Variants in G3BP2 observed in about 807,000 individuals in gnomAD.
G3BP2 encodes ras GTPase-activating protein-binding protein 2.
Under a neutral mutation model 56.7 loss-of-function variants are expected in G3BP2, and 11 were observed. The observed-to-expected ratio is 0.19, with a 90% confidence interval of 0.12 to 0.32. The LOEUF (loss-of-function observed/expected upper bound fraction) is 0.32. G3BP2 is among the 10% of genes least tolerant of loss of function. G3BP2 has a pLI of 1.00. For synonymous variants in G3BP2, 165 were observed against 191.6 expected (o/e 0.86, Z 1.15); for missense variants, 340 against 610.9 (o/e 0.56, Z 4.67).
chr4:75,716,338 T>C (rs987332646), intron 3 of G3BP2, among the ~76,000 whole-genome samples: 1 of 151,908 alleles, frequency 6.6e-6, no homozygotes, highest in East Asian at 1.9e-4. Flanking sequence ...CCCAGCCAGC[T>C]AATTTTTTGT....
chr4:75,670,323 T>C (rs1206688150), intron 1 of G3BP2: 1 of 152,250 alleles, frequency 6.6e-6, no homozygotes, highest in African/African-American at 2.4e-5. Flanking sequence ...CAGATGGTTT[T>C]TGTTTGAAGT....
intron 3 of G3BP2, among the ~76,000 whole-genome samples, chr4:75,694,476 C>T (rs1380226868): frequency 6.6e-6 from 1 of 152,210 alleles, no homozygotes; most frequent in Non-Finnish European, 1.5e-5. Context: ...TGGTGGCGGG[C>T]GCCTGTAGTC....
At chr4:75,718,724 A>C (rs1720025908) in intron 3 of G3BP2, among the ~76,000 whole-genome samples, 1 of 152,186 alleles carries the variant, frequency 6.6e-6, no homozygotes, top group Non-Finnish European at 1.5e-5. Context: ...GAATTAGCTC[A>C]CCACATAGGC....
chr4:75,692,957 G>A (rs755457123), intron 3 of G3BP2, among the ~76,000 whole-genome samples: 17 of 152,108 alleles, frequency 1.1e-4, no homozygotes, highest in Non-Finnish European at 2.1e-4. Context: ...TTAAAATCGA[G>A]AAATTTCAGC....
intron 9 of G3BP2, 118 bp downstream of exon 9, chr4:75,648,521 A>C: frequency 2.0e-6 from 1 of 510,222 alleles, no homozygotes; most frequent in Non-Finnish European, 3.6e-6. Flanking sequence ...TCACATCTTT[A>C]AGCAATTTGA....
intron 3 of G3BP2, among the ~76,000 whole-genome samples, chr4:75,710,100 A>G (rs1298933772): frequency 6.6e-6 from 1 of 152,242 alleles, no homozygotes; most frequent in African/African-American, 2.4e-5. Flanking sequence ...GATACCTTCT[A>G]TAAATGACAA....
At chr4:75,646,309 T>C in intron 11 of G3BP2, 29 bp downstream of exon 11, 1 of 938,338 alleles carries the variant, frequency 1.1e-6, no homozygotes, top group Non-Finnish European at 1.7e-6. Context: ...AATAATAAAG[T>C]CTTGAATTAT....
rs376584767 is a variant in G3BP2, at chr4:75,694,719, C to G, written c.-25+26158G>C. 1.7e-4 allele frequency: 163 copies of G among 968,472 alleles called. 1 individual carries two copies. In the African/African-American group the frequency reaches 2.7e-3, roughly 16 times the overall value. 60.0% of individuals were successfully genotyped at this position (968,472 alleles called of 1,614,324 possible). A position where few individuals can be genotyped will look rare whatever the true frequency, so the allele number is the denominator to read the frequency against. ...CGCCATTGCACTCCAGCCTGGGCAA[C>G]AAGAGCGAGACTCTGTCTCGAAAAA... On this transcript the variant is annotated intron_variant, in intron 3 of 3. Transcript: ENST00000499709.
At chr4:75,672,396 C>T (rs1170470125) in intron 1 of G3BP2, 1 of 152,170 alleles carries the variant, frequency 6.6e-6, no homozygotes, top group Non-Finnish European at 1.5e-5. Flanking sequence ...AGCTTCTGTT[C>T]CTTTCTGTCC....
intron 1 of G3BP2, among the ~76,000 whole-genome samples, chr4:75,668,001 A>T (rs1387544966): frequency 6.6e-6 from 1 of 152,234 alleles, no homozygotes; most frequent in Admixed American, 6.5e-5. Flanking sequence ...TATTTTATTC[A>T]TTCCTGTTTC....
At chr4:75,673,551 G>A, upstream of G3BP2, 2 of 1,232,116 alleles carry the variant, frequency 1.6e-6, no homozygotes, top group Non-Finnish European at 2.0e-6. Flanking sequence ...TGCGGAGCAC[G>A]CGCAGTACGC....
chr4:75,707,013 A>G (rs1719571351), intron 3 of G3BP2, among the ~76,000 whole-genome samples: 1 of 151,306 alleles, frequency 6.6e-6, no homozygotes, highest in Admixed American at 6.6e-5. Flanking sequence ...ACCAACATGG[A>G]GAAACCCTGT....
intron 9 of G3BP2, 102 bp from the exon 10 acceptor site, chr4:75,647,259 G>T: frequency 1.3e-6 from 1 of 764,952 alleles, no homozygotes; most frequent in Non-Finnish European, 2.0e-6. Flanking sequence ...TCCTGTTTTA[G>T]TTTAATAAGA....
At chr4:75,673,721 C>G (rs923596251), upstream of G3BP2, 13 of 846,718 alleles carry the variant, frequency 1.5e-5, no homozygotes, top group Non-Finnish European at 1.9e-5. Context: ...CAAGCGAGAG[C>G]TGGTTCGCAG....
At chr4:75,709,089 A>G (rs1719656070) in intron 3 of G3BP2, among the ~76,000 whole-genome samples, 1 of 151,984 alleles carries the variant, frequency 6.6e-6, no homozygotes, top group Admixed American at 6.6e-5. Context: ...AGCCTGGGCA[A>G]CAGAGAGAAC....
chr4:75,724,025 CT>C (rs1330402962), intron 1 of G3BP2: 1 of 152,156 alleles, frequency 6.6e-6, no homozygotes, highest in Non-Finnish European at 1.5e-5. Context: ...GATGGGTTTC[CT>C]CCTGACGACA....
At chr4:75,661,478 G>GTTTT (rs58695567) in intron 2 of G3BP2, 7 of 139,532 alleles carry the variant, frequency 5.0e-5, no homozygotes, top group South Asian at 2.3e-4. Flanking sequence ...CCCAAAGTTT[G>GTTTT]TTTTTTTTTT....
intron 3 of G3BP2, among the ~76,000 whole-genome samples, chr4:75,717,437 T>G (rs1243408894): frequency 6.6e-6 from 1 of 152,090 alleles, no homozygotes; most frequent in African/African-American, 2.4e-5. Context: ...CCAGGTCAGC[T>G]ACCATCTGCT....
At chr4:75,666,269 TA>T (rs1430965279) in intron 1 of G3BP2, among the ~76,000 whole-genome samples, 1 of 152,158 alleles carries the variant, frequency 6.6e-6, no homozygotes, top group Non-Finnish European at 1.5e-5. Context: ...CAATACTCAA[TA>T]AATTAATACT....
Sources: gnomAD v4.1 joint callset for allele counts (sites outside exome capture counted in the v4.1 genomes callset) on GRCh38, gnomAD v4.1.1 for gene constraint, MANE v1.5 for transcripts, NCBI Gene and HGNC (gene_info 2026-07-23, HGNC 2026-07-21) for gene names.